Variants in NAALADL2 observed in about 807,000 individuals in gnomAD.
The protein encoded by NAALADL2 is inactive N-acetylated-alpha-linked acidic dipeptidase-like protein 2.
Under a neutral mutation model 87.2 loss-of-function variants are expected in NAALADL2, and 76 were observed. The ratio of observed to expected loss-of-function variants is 0.87; its 90% CI spans 0.72 to 1.05. The LOEUF (loss-of-function observed/expected upper bound fraction) is 1.05, where lower values mean the gene tolerates loss of function less well. NAALADL2 is among the 50% of genes least tolerant of loss of function. The probability of loss-of-function intolerance (pLI) is 0.00; values close to 1 mark genes in which losing one functional copy is unlikely to be tolerated. For synonymous variants in NAALADL2, 354 were observed against 331.0 expected (o/e 1.07, Z -0.75); for missense variants, 1,089 against 945.8 (o/e 1.15, Z -1.99).
intron 4 of NAALADL2, among the ~76,000 whole-genome samples, chr3:175,290,737 A>C (rs1027041067): frequency 1.1e-4 from 16 of 152,136 alleles, no homozygotes; most frequent in African/African-American, 3.9e-4. Context: ...GCTAGGCATA[A>C]AGTTTATTTA....
chr3:175,421,427 C>G (rs536997286), intron 5 of NAALADL2, among the ~76,000 whole-genome samples: 1 of 152,180 alleles, frequency 6.6e-6, no homozygotes, highest in East Asian at 1.9e-4. Context: ...CTCAAGGTCA[C>G]TGTGATGCAC....
chr3:174,704,326 T>G (rs1729856979), intron 2 of NAALADL2, among the ~76,000 whole-genome samples: 1 of 152,198 alleles, frequency 6.6e-6, no homozygotes, highest in Admixed American at 6.5e-5. Context: ...CAGACAGTAT[T>G]CTATGGTATA....
intron 1 of NAALADL2, among the ~76,000 whole-genome samples, chr3:175,069,605 G>A (rs1345711362): frequency 1.3e-5 from 2 of 150,674 alleles, no homozygotes; most frequent in Non-Finnish European, 3.0e-5. Flanking sequence ...TCAGTGTGGC[G>A]ATTCCTCAGG....
chr3:175,391,905 T>C (rs1463515800), intron 5 of NAALADL2, among the ~76,000 whole-genome samples: 1 of 152,158 alleles, frequency 6.6e-6, no homozygotes, highest in Non-Finnish European at 1.5e-5. Context: ...TCAAAATCTA[T>C]TAAATGCTAA....
intron 2 of NAALADL2, among the ~76,000 whole-genome samples, chr3:175,171,312 C>T (rs527998129): frequency 6.6e-6 from 1 of 151,998 alleles, no homozygotes; most frequent in African/African-American, 2.4e-5. Flanking sequence ...AGCAATTGGC[C>T]AAGTAACTCC....
At chr3:174,669,706 GT>G (rs1266968422) in intron 2 of NAALADL2, among the ~76,000 whole-genome samples, 2 of 151,910 alleles carry the variant, frequency 1.3e-5, no homozygotes, top group Non-Finnish European at 2.9e-5. Flanking sequence ...TTTCAAGATT[GT>G]TTCCGTTATT....
At chr3:175,039,527 A>T (rs535212949) in intron 1 of NAALADL2, among the ~76,000 whole-genome samples, 1 of 152,146 alleles carries the variant, frequency 6.6e-6, no homozygotes, top group Non-Finnish European at 1.5e-5. Flanking sequence ...AGACCTGGAC[A>T]ATAGGGTTAT....
At chr3:175,512,199 C>G (rs564341476) in intron 9 of NAALADL2, among the ~76,000 whole-genome samples, 3 of 152,102 alleles carry the variant, frequency 2.0e-5, no homozygotes, top group Admixed American at 2.0e-4. Context: ...GATCCCACTA[C>G]TATACTCCAG....
intron 5 of NAALADL2, among the ~76,000 whole-genome samples, chr3:175,343,570 C>A (rs907266195): frequency 6.6e-6 from 1 of 150,890 alleles, no homozygotes; most frequent in Non-Finnish European, 1.5e-5. Context: ...TTGGTGATTT[C>A]TAGTTCACTG....
At chr3:175,196,999 A>T (rs1330945409) in intron 2 of NAALADL2, among the ~76,000 whole-genome samples, 3 of 152,016 alleles carry the variant, frequency 2.0e-5, no homozygotes, top group Non-Finnish European at 4.4e-5. Flanking sequence ...TAAGAAAAAA[A>T]TAGGTGAGAA....
intron 2 of NAALADL2, among the ~76,000 whole-genome samples, chr3:175,211,988 T>C (rs1741836906): frequency 6.6e-6 from 1 of 151,614 alleles, no homozygotes; most frequent in Non-Finnish European, 1.5e-5. Context: ...ATTAAAAATA[T>C]CGTATTTTTT....
At chr3:174,642,437 G>A (rs891362539) in intron 2 of NAALADL2, among the ~76,000 whole-genome samples, 3 of 150,880 alleles carry the variant, frequency 2.0e-5, no homozygotes, top group African/African-American at 7.3e-5. Context: ...GGAGGCGCAG[G>A]TTGTGGTTAG....
chr3:174,640,382 A>G (rs1156369878), intron 2 of NAALADL2, among the ~76,000 whole-genome samples: 1 of 152,164 alleles, frequency 6.6e-6, no homozygotes, highest in Non-Finnish European at 1.5e-5. Flanking sequence ...GTGTCTGAAG[A>G]GCTAATCTCC....
At chr3:175,161,054 G>A (rs1030110250) in intron 2 of NAALADL2, among the ~76,000 whole-genome samples, 6 of 151,836 alleles carry the variant, frequency 4.0e-5, no homozygotes, top group African/African-American at 1.5e-4. Context: ...AAGTACATAT[G>A]GAAGCATAGA....
intron 3 of NAALADL2, among the ~76,000 whole-genome samples, chr3:175,253,548 G>A (rs544478295): frequency 6.6e-6 from 1 of 152,296 alleles, no homozygotes; most frequent in Middle Eastern, 3.4e-3. Flanking sequence ...ACAGCCCTTA[G>A]ATTATAGAGT....
chr3:175,591,560 T>C (rs1346325578), intron 10 of NAALADL2, among the ~76,000 whole-genome samples: 1 of 151,958 alleles, frequency 6.6e-6, no homozygotes, highest in Non-Finnish European at 1.5e-5. Flanking sequence ...TAAGATATCA[T>C]CCATGATGCT....
At chr3:175,559,764 A>G (rs940047956) in intron 9 of NAALADL2, among the ~76,000 whole-genome samples, 5 of 152,230 alleles carry the variant, frequency 3.3e-5, no homozygotes, top group African/African-American at 7.2e-5. Context: ...TGTTGCACCA[A>G]TCTTGTATCA....
At chr3:175,083,995 A>C (rs1458009503) in intron 1 of NAALADL2, among the ~76,000 whole-genome samples, 3 of 152,206 alleles carry the variant, frequency 2.0e-5, no homozygotes, top group Non-Finnish European at 4.4e-5. Flanking sequence ...TGCCGAGAAG[A>C]AGCTTGAAAT....
At chr3:174,804,539 T>C (rs1220583822) in intron 3 of NAALADL2, among the ~76,000 whole-genome samples, 2 of 152,176 alleles carry the variant, frequency 1.3e-5, no homozygotes, top group African/African-American at 4.8e-5. Flanking sequence ...ATCCTTGTCT[T>C]GTGCCAGTTT....
Sources: gnomAD v4.1 joint callset for allele counts (sites outside exome capture counted in the v4.1 genomes callset) on GRCh38, gnomAD v4.1.1 for gene constraint, MANE v1.5 for transcripts, NCBI Gene and HGNC (gene_info 2026-07-23, HGNC 2026-07-21) for gene names.